ZNF475: variants seen among roughly 807,000 people sequenced by gnomAD.
The protein encoded by ZNF475 is zinc finger protein 475.
the ZNF475 span, among the ~76,000 whole-genome samples, chr5:122,171,225 T>C: frequency 3.6e-4 from 55 of 152,178 alleles, no homozygotes; most frequent in Non-Finnish European, 6.8e-4. Context: ...CTGATTTTAT[T>C]ACCCAATCCA....
At chr5:122,182,539 G>C in the ZNF475 span, 1 of 1,533,410 alleles carries the variant, frequency 6.5e-7, no homozygotes, top group Non-Finnish European at 8.7e-7. Context: ...GCTTGGACAA[G>C]TGCCCACAGC....
At chr5:122,164,882 C>A in the ZNF475 span, among the ~76,000 whole-genome samples, 1 of 152,046 alleles carries the variant, frequency 6.6e-6, no homozygotes, top group African/African-American at 2.4e-5. Context: ...CAGCACAAGC[C>A]AAATAGGGAT....
At chr5:122,179,832 A>G in the ZNF475 span, 2 of 810,622 alleles carry the variant, frequency 2.5e-6, no homozygotes, top group Non-Finnish European at 3.6e-6. Flanking sequence ...AACGACCAAA[A>G]TCAACAACAT....
chr5:122,176,194 A>G, the ZNF475 span, among the ~76,000 whole-genome samples: 7 of 152,310 alleles, frequency 4.6e-5, no homozygotes, highest in East Asian at 1.4e-3. Flanking sequence ...TTTTCTGGCT[A>G]TAATTTCCCT....
the ZNF475 span, among the ~76,000 whole-genome samples, chr5:122,177,804 GT>G: frequency 6.6e-6 from 1 of 151,896 alleles, no homozygotes; most frequent in Admixed American, 6.6e-5. Context: ...GTGCAGGTTT[GT>G]TACATAGGTA....
the ZNF475 span, among the ~76,000 whole-genome samples, chr5:122,179,067 G>A: frequency 2.6e-5 from 4 of 152,126 alleles, no homozygotes; most frequent in African/African-American, 7.2e-5. Context: ...CATTATTTCT[G>A]AGGCCTCTGT....
At chr5:122,174,153 C>G in the ZNF475 span, among the ~76,000 whole-genome samples, 1 of 152,206 alleles carries the variant, frequency 6.6e-6, no homozygotes, top group African/African-American at 2.4e-5. Context: ...AGGGGGCCTT[C>G]TGCTGGTTCT....
the ZNF475 span, among the ~76,000 whole-genome samples, chr5:122,161,768 ACTGGCATAAAAGTCAGGC>A: frequency 6.6e-6 from 1 of 152,170 alleles, no homozygotes. Context: ...CTAGAAGCCA[ACTGGCATAAAAGTCAGGC>A]CTGTATCCAA....
chr5:122,166,419 A>G, the ZNF475 span, among the ~76,000 whole-genome samples: 2 of 151,984 alleles, frequency 1.3e-5, no homozygotes, highest in African/African-American at 4.8e-5. Flanking sequence ...ATATGTATAT[A>G]TGTGCCATGT....
At chr5:122,182,655 T>C in the ZNF475 span, 2 of 1,527,624 alleles carry the variant, frequency 1.3e-6, no homozygotes, top group Non-Finnish European at 8.7e-7. Context: ...CCCTTTTCTC[T>C]CTACTGAAGT....
the ZNF475 span, chr5:122,179,731 G>A: frequency 1.3e-6 from 2 of 1,496,962 alleles, no homozygotes; most frequent in Non-Finnish European, 1.8e-6. Flanking sequence ...ACCATTACTG[G>A]TAAGTTCCTA....
At chr5:122,160,732 T>C in the ZNF475 span, among the ~76,000 whole-genome samples, 1 of 152,184 alleles carries the variant, frequency 6.6e-6, no homozygotes, top group Non-Finnish European at 1.5e-5. Flanking sequence ...ACAAAAACCA[T>C]AACATAGTTA....
At chr5:122,164,536 A>T in the ZNF475 span, among the ~76,000 whole-genome samples, 2 of 152,144 alleles carry the variant, frequency 1.3e-5, no homozygotes, top group Admixed American at 1.3e-4. Context: ...TTTGTGTGAT[A>T]GCTGTGTGCA....
At chr5:122,182,241 CTCTG>C in the ZNF475 span, among the ~76,000 whole-genome samples, 1 of 152,118 alleles carries the variant, frequency 6.6e-6, no homozygotes, top group East Asian at 1.9e-4. Flanking sequence ...AGTGAAAAGC[CTCTG>C]TCTGATTCCC....
At chr5:122,173,060 T>C in the ZNF475 span, among the ~76,000 whole-genome samples, 1 of 151,988 alleles carries the variant, frequency 6.6e-6, no homozygotes, top group East Asian at 1.9e-4. Context: ...TGAACAAATG[T>C]GGAGTGTTTC....
chr5:122,179,981 T>C, the ZNF475 span: 1 of 280,374 alleles, frequency 3.6e-6, no homozygotes, highest in Non-Finnish European at 6.6e-6. Flanking sequence ...ATTTGCTGTA[T>C]TCTCCAAAAG....
chr5:122,167,734 G>A, the ZNF475 span, among the ~76,000 whole-genome samples: 1 of 152,150 alleles, frequency 6.6e-6, no homozygotes, highest in African/African-American at 2.4e-5. Flanking sequence ...TTAGAAACCT[G>A]TTATGCCACC....
chr5:122,161,442 G>A, the ZNF475 span, among the ~76,000 whole-genome samples: 8 of 151,992 alleles, frequency 5.3e-5, no homozygotes, highest in Admixed American at 2.6e-4. Flanking sequence ...AGGAGAGAGC[G>A]GGGTCAACTC....
chr5:122,169,173 A>G, the ZNF475 span, among the ~76,000 whole-genome samples: 9 of 152,340 alleles, frequency 5.9e-5, no homozygotes, highest in African/African-American at 2.2e-4. Flanking sequence ...AGTTGTTGAA[A>G]GGGTCGTGTT....
Sources: gnomAD v4.1 joint callset for allele counts (sites outside exome capture counted in the v4.1 genomes callset) on GRCh38, gnomAD v4.1.1 for gene constraint, MANE v1.5 for transcripts, NCBI Gene and HGNC (gene_info 2026-07-23, HGNC 2026-07-21) for gene names.